MCMBP: variants seen among roughly 807,000 people sequenced by gnomAD.
MCMBP encodes the protein mini-chromosome maintenance complex-binding protein.
A neutral mutation model predicts 81.3 loss-of-function variants in MCMBP; 31 were observed. The ratio of observed to expected loss-of-function variants is 0.38; its 90% CI spans 0.29 to 0.51. The LOEUF (loss-of-function observed/expected upper bound fraction) is 0.51, where lower values mean the gene tolerates loss of function less well. Among genes scored for constraint, MCMBP ranks in the 20% least tolerant of loss-of-function variants. MCMBP has a pLI of 0.87. For missense variants in MCMBP, 645 were observed against 772.1 expected, an observed-to-expected ratio of 0.84 and a Z score of 1.95; for synonymous variants, 267 against 275.9, an observed-to-expected ratio of 0.97 and a Z score of 0.32.
chr10:119,847,274 T>G (rs1446371477), intron 8 of MCMBP, among the ~76,000 whole-genome samples: 1 of 152,152 alleles, frequency 6.6e-6, no homozygotes, highest in Non-Finnish European at 1.5e-5. Flanking sequence ...TGAAATTAAG[T>G]ATAGATTGTG....
chr10:119,841,930 G>A lies in MCMBP; in HGVS notation c.1124+542C>T, dbSNP rs59180616. ...GTCCTTTATCTCAGGGGTCCCCAAC[G>A]CCCAGGCCGTGGACCAGTACTGGTT... On this transcript the variant is annotated intron_variant, in intron 10 of 15. Transcript: ENST00000369077. Among the ~76,000 whole-genome samples, 12 of 152,250 alleles carry A rather than the reference G, an allele frequency of 7.9e-5. No homozygotes were observed. In the East Asian group the frequency reaches 2.1e-3, roughly 27 times the overall value.
intron 1 of MCMBP, among the ~76,000 whole-genome samples, chr10:119,869,398 C>T (rs1478963959): frequency 6.6e-6 from 1 of 152,142 alleles, no homozygotes; most frequent in Non-Finnish European, 1.5e-5. Context: ...ATGGTGAAAC[C>T]CTGTCTTTAC....
At chr10:119,831,884 T>C in intron 15 of MCMBP, 128 bp downstream of exon 15, 1 of 974,070 alleles carries the variant, frequency 1.0e-6, no homozygotes, top group Admixed American at 2.7e-5. Flanking sequence ...ATGAGCCCTT[T>C]CATACAGCGT....
rs1455412002 is a variant in MCMBP, at chr10:119,850,875, T to TCTG, written c.575-1300_575-1299insCAG. 3.2e-4 allele frequency among the ~76,000 whole-genome samples: 41 copies of TCTG among 127,638 alleles called. 2 individuals carry two copies. In the South Asian group the frequency reaches 9.1e-3, roughly 28 times the overall value. 83.7% of individuals were successfully genotyped at this position (127,638 alleles called of 152,430 possible). On this transcript the variant is annotated intron_variant, in intron 6 of 15. Transcript: ENST00000369077. ...GAGGCTAAAAGGTATACAAGATCTG[T>TCTG]TTTTTTTTTTTTTTTTTGAGACAGA...
At chr10:119,843,153 A>G in intron 9 of MCMBP, 101 bp downstream of exon 9, 1 of 1,284,148 alleles carries the variant, frequency 7.8e-7, no homozygotes, top group Non-Finnish European at 1.1e-6. Context: ...GTGAGGAATG[A>G]AGACCTGACT....
intron 4 of MCMBP, among the ~76,000 whole-genome samples, chr10:119,858,578 T>C (rs1410120839): frequency 6.6e-6 from 1 of 152,198 alleles, no homozygotes; most frequent in Non-Finnish European, 1.5e-5. Flanking sequence ...CCATTGGCTT[T>C]GTCTTTGAAG....
chr10:119,867,320 A>G (rs1853503715), intron 1 of MCMBP, among the ~76,000 whole-genome samples: 1 of 148,008 alleles, frequency 6.8e-6, no homozygotes, highest in South Asian at 2.2e-4. Context: ...AAAAAAAAAA[A>G]AGTGGTTACT....
chr10:119,842,422 C>T, intron 10 of MCMBP, 50 bp downstream of exon 10: 11 of 1,574,158 alleles, frequency 7.0e-6, no homozygotes, highest in Non-Finnish European at 8.6e-6. Flanking sequence ...CGCTCTTCCA[C>T]TTCCACACAC....
chr10:119,832,629 G>A (rs1852088907), intron 14 of MCMBP, among the ~76,000 whole-genome samples: 1 of 151,932 alleles, frequency 6.6e-6, no homozygotes, highest in Non-Finnish European at 1.5e-5. Context: ...GAGAGAACAG[G>A]GCTAGGGCTC....
chr10:119,868,481 TAAC>T (rs1393087235), intron 1 of MCMBP, among the ~76,000 whole-genome samples: 2 of 152,172 alleles, frequency 1.3e-5, no homozygotes, highest in African/African-American at 4.8e-5. Context: ...CCATTTCAAT[TAAC>T]AACATTTCTG....
chr10:119,843,283 G>C lies in MCMBP; in HGVS notation c.971C>G (p.Ala324Gly). The C allele has an allele frequency of 1.2e-6, 2 of 1,613,788 alleles. No individual in the cohort carries two copies. The highest frequency in any genetic ancestry group is 1.7e-6 in the Non-Finnish European group (2 of 1,179,792). Residue 324 changes from alanine (A) to glycine (G), a missense_variant, in exon 9 of 16, where the codon GCC (alanine) becomes GGC (glycine). Coordinates refer to ENST00000369077, the MANE Select transcript of MCMBP (RefSeq NM_001256378.2). ...TTTGCTCTCCTCTTTGTTAAGGCAG[G>C]CAGGCAATAATGGGTTGATGTGTTG... ...KLQHINPLLP[A>G]CLNKEESKTF...
chr10:119,859,826 C>G lies in MCMBP; in HGVS notation c.117G>C (p.Lys39Asn). 1 of 1,613,476 alleles carries G rather than the reference C, an allele frequency of 6.2e-7. No individual in the cohort carries two copies. The highest frequency in any genetic ancestry group is 8.5e-7 in the Non-Finnish European group (1 of 1,179,748). The change falls in exon 2 of 16, where the codon AAG (lysine) becomes AAC (asparagine). Residue 39 changes from lysine to asparagine, a missense_variant. Lys to Asn is a moderately conservative substitution (Grantham distance 94). Coordinates refer to ENST00000369077, the MANE Select transcript of MCMBP (RefSeq NM_001256378.2). The part of the protein sequence containing the change: ...EKKVIEYFKE[K>N]LKENNAPKWV... Reference sequence around the variant, plus strand: ...ACTTAGGAGCATTATTTTCCTTCAGCTTTTCCTTAAAATACTCAATTACTT... The same window carrying G: ...ACTTAGGAGCATTATTTTCCTTCAGGTTTTCCTTAAAATACTCAATTACTT...
chr10:119,857,242 T>G, intron 5 of MCMBP, 96 bp downstream of exon 5: 1 of 866,258 alleles, frequency 1.2e-6, no homozygotes, highest in Non-Finnish European at 1.8e-6. Flanking sequence ...GAAACACACT[T>G]TATTAAAATA....
At chr10:119,839,510 C>T (rs1300339583) in intron 11 of MCMBP, among the ~76,000 whole-genome samples, 1 of 152,098 alleles carries the variant, frequency 6.6e-6, no homozygotes, top group African/African-American at 2.4e-5. Flanking sequence ...CTTAAATGAC[C>T]TACCATGTAT....
At chr10:119,847,127 C>T (rs965711781) in intron 8 of MCMBP, among the ~76,000 whole-genome samples, 6 of 151,928 alleles carry the variant, frequency 3.9e-5, no homozygotes, top group East Asian at 1.9e-4. Flanking sequence ...ACAAGCAGAA[C>T]GACACCTGTG....
At chr10:119,857,668 C>CTG (rs34304757) in intron 4 of MCMBP, 67,487 of 357,580 alleles carry the variant, frequency 0.19, 7,285 homozygotes, top group South Asian at 0.45. Flanking sequence ...AATGGGACCT[C>CTG]TGGAGTGACT....
chr10:119,856,370 G>C (rs933993284), intron 5 of MCMBP, among the ~76,000 whole-genome samples: 3 of 152,102 alleles, frequency 2.0e-5, no homozygotes, highest in African/African-American at 4.8e-5. Flanking sequence ...CTTAGCAAAA[G>C]AAAACAAGAA....
intron 12 of MCMBP, 144 bp downstream of exon 12, chr10:119,838,391 G>T: frequency 1.4e-6 from 1 of 709,234 alleles, no homozygotes; most frequent in Non-Finnish European, 2.2e-6. Context: ...TATAACATAT[G>T]CTTTAATCAA....
chr10:119,839,126 T>C (rs1003722053), intron 11 of MCMBP, among the ~76,000 whole-genome samples: 1 of 152,218 alleles, frequency 6.6e-6, no homozygotes, highest in Non-Finnish European at 1.5e-5. Flanking sequence ...ATTGTATTCA[T>C]TTATCATAGA....
Sources: allele counts gnomAD v4.1 joint callset (sites outside exome capture counted in the v4.1 genomes callset), GRCh38; gene constraint gnomAD v4.1.1; transcripts MANE v1.5; gene names NCBI Gene and HGNC (gene_info 2026-07-23, HGNC 2026-07-21).